Variants in EML1 observed in about 807,000 individuals in gnomAD.
The protein encoded by EML1 is echinoderm microtubule-associated protein-like 1.
EML1 carries 27 observed loss-of-function variants against 110.4 expected under a neutral mutation model. That is an observed-to-expected ratio of 0.24 (90% CI 0.18 to 0.34). The LOEUF (loss-of-function observed/expected upper bound fraction) is 0.34, where lower values mean the gene tolerates loss of function less well. EML1 is among the 10% of genes least tolerant of loss of function. The pLI is 1.00. For missense variants in EML1, 741 were observed against 1,030.9 expected (o/e 0.72, Z 3.85); for synonymous variants, 344 against 385.8 (o/e 0.89, Z 1.27).
chr14:99,896,018 G>A (rs191898239), intron 6 of EML1, among the ~76,000 whole-genome samples: 6 of 152,118 alleles, frequency 3.9e-5, no homozygotes, highest in Admixed American at 2.6e-4. Flanking sequence ...GGAAAAGTGA[G>A]CTTCCAGGGG....
intron 1 of EML1, among the ~76,000 whole-genome samples, chr14:99,759,975 C>CG (rs2057296891): frequency 2.1e-5 from 3 of 144,544 alleles, no homozygotes; most frequent in South Asian, 4.6e-4. Flanking sequence ...GGCGTGGTGG[C>CG]GGGTGCCTGT....
At chr14:99,927,212 G>A (rs1009205031) in intron 17 of EML1, among the ~76,000 whole-genome samples, 1 of 152,110 alleles carries the variant, frequency 6.6e-6, no homozygotes, top group African/African-American at 2.4e-5. Flanking sequence ...CCCACACAAT[G>A]GTAATTGGTT....
At chr14:99,919,500 CCTT>C (rs2060095335) in intron 16 of EML1, among the ~76,000 whole-genome samples, 1 of 151,466 alleles carries the variant, frequency 6.6e-6, no homozygotes, top group African/African-American at 2.4e-5. Flanking sequence ...GACAGGTAAA[CCTT>C]CTAACTCATC....
Position 99,793,491 on chromosome 14 carries a change from C to T in EML1, c.15C>T (p.Phe5=), listed in dbSNP as rs1488706704. The change falls in exon 1 of 22, where the codon TTC becomes TTT. Residue 5 remains phenylalanine, a synonymous_variant. Transcript: ENST00000262233. The part of the protein sequence containing the change: MEDG[F]SSYSSLYDTS... ...GCGGCCTCAGCATGGAGGACGGCTT[C>T]TCCAGCTACAGCAGCCTGTACGACA... 1.6e-5 allele frequency: 17 copies of T among 1,055,950 alleles called. No individual in the cohort carries two copies. Among genetic ancestry groups the T allele is most frequent in the Non-Finnish European group, 1.9e-5 (17 of 872,304 alleles). 65.4% of individuals were successfully genotyped at this position (1,055,950 alleles called of 1,614,324 possible).
intron 1 of EML1, among the ~76,000 whole-genome samples, chr14:99,741,341 C>T (rs1054580880): frequency 4.6e-5 from 7 of 152,100 alleles, no homozygotes; most frequent in East Asian, 1.9e-4. Context: ...CTTGCTGGTG[C>T]GTTTTGTAAG....
chr14:99,801,674 A>G (rs772802803), intron 1 of EML1, among the ~76,000 whole-genome samples: 1 of 151,402 alleles, frequency 6.6e-6, no homozygotes, highest in Non-Finnish European at 1.5e-5. Flanking sequence ...CCACTGCCCC[A>G]TATCTCAGTT....
intron 3 of EML1, among the ~76,000 whole-genome samples, chr14:99,871,087 G>C (rs1221721132): frequency 6.6e-6 from 1 of 152,034 alleles, no homozygotes; most frequent in Non-Finnish European, 1.5e-5. Context: ...CTCCCAAGTA[G>C]CTGGGATTAC....
At chr14:99,786,105 T>C (rs1217083328) in intron 1 of EML1, among the ~76,000 whole-genome samples, 1 of 149,748 alleles carries the variant, frequency 6.7e-6, no homozygotes, top group Non-Finnish European at 1.5e-5. Flanking sequence ...TTCAGTTGCA[T>C]CAATAGAATC....
chr14:99,748,866 T>C (rs1285971114), intron 1 of EML1, among the ~76,000 whole-genome samples: 1 of 152,212 alleles, frequency 6.6e-6, no homozygotes, highest in African/African-American at 2.4e-5. Context: ...ACTTTGTTTC[T>C]GTAGATTTGC....
At position 99,939,371 on chromosome 14, in the gene EML1, T is replaced by C; in HGVS notation, c.2322+44T>C. The C allele has an allele frequency of 1.2e-6, 2 of 1,610,844 alleles. No individual in the cohort carries two copies. The highest frequency in any genetic ancestry group is 1.7e-6 in the Non-Finnish European group (2 of 1,177,972). On this transcript the variant is annotated intron_variant, in intron 21 of 21. Transcript: ENST00000262233. The surrounding 1 kb of genome is among the most constrained non-coding windows in gnomAD (Gnocchi z 4.2). Reference sequence around the variant, plus strand: ...CACTAATCTTATCCCCCATGGGGCATGCACGTACACCCGACCTGTTTGGAG... The same window carrying C: ...CACTAATCTTATCCCCCATGGGGCACGCACGTACACCCGACCTGTTTGGAG...
chr14:99,819,778 G>C (rs1476811323), intron 1 of EML1, among the ~76,000 whole-genome samples: 1 of 152,172 alleles, frequency 6.6e-6, no homozygotes, highest in Non-Finnish European at 1.5e-5. Context: ...CTCTCGCACC[G>C]AGCATCCCTC....
Position 99,911,546 on chromosome 14 carries a change from C to T in EML1, c.1464C>T (p.Ser488=), listed in dbSNP as rs553247254. The change falls in exon 13 of 22, where the codon AGC becomes AGT. Residue 488 remains serine, a synonymous_variant. Transcript: ENST00000262233. ...GGKDRKLISW[S]GNYQKLRKTE... is the part of the protein sequence containing the mutation. The stretch of plus-strand genomic sequence containing the variant: ...AAGACCGAAAGCTCATTTCTTGGAG[C>T]GGAAACTATCAAAAACTTCGTAAAA... 33 of 1,612,098 alleles carry T rather than the reference C, an allele frequency of 2.0e-5. No individual in the cohort carries two copies. The highest frequency in any genetic ancestry group is 1.3e-4 in the Admixed American group (8 of 59,310).
intron 3 of EML1, among the ~76,000 whole-genome samples, chr14:99,875,938 A>C (rs1165671010): frequency 1.3e-5 from 2 of 152,238 alleles, no homozygotes; most frequent in East Asian, 3.8e-4. Flanking sequence ...AGATTCTGGC[A>C]CTGTCCACTC....
intron 1 of EML1, among the ~76,000 whole-genome samples, chr14:99,785,204 G>A (rs1459264260): frequency 6.6e-6 from 1 of 152,042 alleles, no homozygotes. Flanking sequence ...ACAGACACAC[G>A]CCACCATGAC....
At chr14:99,842,854 C>T (rs973818580) in intron 1 of EML1, among the ~76,000 whole-genome samples, 1 of 152,140 alleles carries the variant, frequency 6.6e-6, no homozygotes, top group Non-Finnish European at 1.5e-5. Flanking sequence ...CTCCTCAATC[C>T]TGTGCTGGCA....
intron 1 of EML1, among the ~76,000 whole-genome samples, chr14:99,808,962 A>T (rs2058027217): frequency 6.6e-6 from 1 of 152,230 alleles, no homozygotes; most frequent in African/African-American, 2.4e-5. Context: ...ATGGGTGCTG[A>T]GTAACTTAGC....
intron 5 of EML1, among the ~76,000 whole-genome samples, chr14:99,892,775 A>G (rs1255120947): frequency 6.6e-6 from 1 of 152,242 alleles, no homozygotes; most frequent in Admixed American, 6.5e-5. Flanking sequence ...TTTCATAGAC[A>G]TTGGTTATAT....
Position 99,905,111 on chromosome 14 carries a change from G to A in EML1, c.1009-2527G>A, listed in dbSNP as rs936175572. On this transcript the variant is annotated intron_variant, in intron 9 of 21. Coordinates refer to ENST00000262233, the MANE Select transcript of EML1 (RefSeq NM_004434.3). The surrounding 1 kb of genome is among the most constrained non-coding windows in gnomAD (Gnocchi z 4.1). ...TCTTACCATTTTGCTGGCATGCCAG[G>A]CTTCTGGGTTCCCTTTCCCTGAGGC... Among the ~76,000 whole-genome samples the A allele has an allele frequency of 6.6e-6, 1 of 152,162 alleles. No individual in the cohort carries two copies. Among genetic ancestry groups the A allele is most frequent in the African/African-American group, 2.4e-5 (1 of 41,450 alleles).
At chr14:99,831,701 C>A (rs187300282) in intron 1 of EML1, among the ~76,000 whole-genome samples, 1 of 151,982 alleles carries the variant, frequency 6.6e-6, no homozygotes, top group East Asian at 1.9e-4. Context: ...TCTTTTTTTT[C>A]TTTGTCCAAA....
Sources: allele counts gnomAD v4.1 joint callset (sites outside exome capture counted in the v4.1 genomes callset), GRCh38; gene constraint gnomAD v4.1.1; non-coding constraint Gnocchi (gnomAD v3.1); transcripts MANE v1.5; gene names NCBI Gene and HGNC (gene_info 2026-07-23, HGNC 2026-07-21).